Variants in SHLD1 observed in about 807,000 individuals in gnomAD.
SHLD1 encodes RINN1-REV7-interacting novel NHEJ regulator 3.
SHLD1 carries 3 observed loss-of-function variants against 5.5 expected under a neutral mutation model. The observed-to-expected ratio is 0.54, with a 90% CI of 0.25 to 1.40. SHLD1 has a LOEUF of 1.40. SHLD1 is among the 40% of genes most tolerant of loss of function. The pLI, the probability that SHLD1 is intolerant of heterozygous loss-of-function variation, is 0.15. For synonymous variants in SHLD1, 92 were observed against 94.3 expected (o/e 0.98, Z 0.14); for missense variants, 210 against 244.4 (o/e 0.86, Z 0.94).
intron 2 of SHLD1, among the ~76,000 whole-genome samples, chr20:5,817,693 C>T (rs1379537775): frequency 4.3e-5 from 4 of 92,822 alleles, no homozygotes; most frequent in Middle Eastern, 9.8e-3. Context: ...GCTCACAGCT[C>T]CCCTGGCTGT....
chr20:5,804,428 C>A (rs413596), intron 2 of SHLD1, among the ~76,000 whole-genome samples: 42,742 of 149,998 alleles, frequency 0.28, 7,080 homozygotes, highest in African/African-American at 0.45. Flanking sequence ...AAAAAACAAA[C>A]AAGAAAATCT....
chr20:5,857,099 C>T lies in SHLD1; in HGVS notation c.179-5925C>T, dbSNP rs2088097673. Among the ~76,000 whole-genome samples the T allele has an allele frequency of 2.0e-5, 3 of 152,056 alleles. No individual in the cohort carries two copies. In the South Asian group the frequency reaches 6.2e-4, roughly 32 times the overall value. ...CGGGTTCAAGTGATTCTCTTGCCTC[C>T]CGAGTAGCTGGGACTGCAGGTGCCC... is the stretch of plus-strand genomic sequence containing the variant. On this transcript the variant is annotated intron_variant, in intron 2 of 2. Coordinates refer to ENST00000303142, the MANE Select transcript of SHLD1 (RefSeq NM_152504.4).
chr20:5,842,081 A>G (rs2087869841), intron 2 of SHLD1, among the ~76,000 whole-genome samples: 1 of 152,252 alleles, frequency 6.6e-6, no homozygotes, highest in African/African-American at 2.4e-5. Flanking sequence ...TGAAACTTTC[A>G]GAAACAAAAT....
chr20:5,827,627 A>G (rs2087681793), intron 2 of SHLD1, among the ~76,000 whole-genome samples: 1 of 152,058 alleles, frequency 6.6e-6, no homozygotes, highest in Non-Finnish European at 1.5e-5. Flanking sequence ...CAAATACACA[A>G]TGACCTTTGC....
At chr20:5,840,598 C>T (rs1369958100) in intron 2 of SHLD1, among the ~76,000 whole-genome samples, 1 of 152,148 alleles carries the variant, frequency 6.6e-6, no homozygotes, top group Non-Finnish European at 1.5e-5. Flanking sequence ...TTTGGAGCAA[C>T]ATCTGAACCG....
intron 1 of SHLD1, among the ~76,000 whole-genome samples, chr20:5,762,615 A>G (rs1014068092): frequency 6.6e-6 from 1 of 152,084 alleles, no homozygotes; most frequent in East Asian, 1.9e-4. Context: ...TCCCTTGGCT[A>G]TTGTGGGGGA....
intron 2 of SHLD1, among the ~76,000 whole-genome samples, chr20:5,862,499 A>G (rs903640180): frequency 6.6e-6 from 1 of 152,232 alleles, no homozygotes; most frequent in Non-Finnish European, 1.5e-5. Context: ...GCCCTGTTAT[A>G]AGCCCTAATA....
chr20:5,844,108 A>G (rs1262543342), intron 2 of SHLD1, among the ~76,000 whole-genome samples: 3 of 152,144 alleles, frequency 2.0e-5, no homozygotes, highest in African/African-American at 7.2e-5. Flanking sequence ...CTTAAATTCA[A>G]GTGTAAATGG....
At chr20:5,784,595 C>T (rs533456329) in intron 2 of SHLD1, among the ~76,000 whole-genome samples, 2 of 152,010 alleles carry the variant, frequency 1.3e-5, no homozygotes, top group East Asian at 1.9e-4. Flanking sequence ...GGACTACAGG[C>T]GCCCGCCACC....
intron 1 of SHLD1, among the ~76,000 whole-genome samples, chr20:5,757,234 G>A (rs529529798): frequency 6.6e-5 from 10 of 151,740 alleles, no homozygotes; most frequent in African/African-American, 9.7e-5. Flanking sequence ...ACACCACCAC[G>A]CCCAGCTATT....
intron 2 of SHLD1, among the ~76,000 whole-genome samples, chr20:5,817,428 CTCTCTGTGTG>C (rs1255259101): frequency 5.9e-4 from 66 of 111,974 alleles, no homozygotes; most frequent in Non-Finnish European, 9.3e-4. Context: ...CTCTCTCTCT[CTCTCTGTGTG>C]TGTGTGTGTG....
chr20:5,852,705 C>T (rs538238499), intron 2 of SHLD1, among the ~76,000 whole-genome samples: 1 of 152,250 alleles, frequency 6.6e-6, no homozygotes, highest in Non-Finnish European at 1.5e-5. Flanking sequence ...CTGCCTCAGC[C>T]TCCCAAAGTG....
chr20:5,811,613 G>C (rs2087458975), intron 2 of SHLD1, among the ~76,000 whole-genome samples: 1 of 152,098 alleles, frequency 6.6e-6, no homozygotes, highest in Non-Finnish European at 1.5e-5. Flanking sequence ...CCAGTGCTTT[G>C]GGAGACCAAG....
At chr20:5,790,208 G>C (rs763234139) in intron 2 of SHLD1, among the ~76,000 whole-genome samples, 1 of 152,042 alleles carries the variant, frequency 6.6e-6, no homozygotes, top group African/African-American at 2.4e-5. Flanking sequence ...CCAACCCAGG[G>C]ACCTTCTTCC....
At chr20:5,856,167 C>G (rs557944556) in intron 2 of SHLD1, among the ~76,000 whole-genome samples, 28 of 152,326 alleles carry the variant, frequency 1.8e-4, no homozygotes, top group African/African-American at 6.5e-4. Flanking sequence ...CCCATTCTGA[C>G]TGAGAAGGCC....
intron 2 of SHLD1, among the ~76,000 whole-genome samples, chr20:5,859,658 G>A (rs1373478107): frequency 6.6e-6 from 1 of 152,242 alleles, no homozygotes; most frequent in Non-Finnish European, 1.5e-5. Context: ...CTTATGATTA[G>A]AGAGGAGGCT....
intron 2 of SHLD1, among the ~76,000 whole-genome samples, chr20:5,794,599 G>A (rs528646280): frequency 6.6e-6 from 1 of 152,152 alleles, no homozygotes; most frequent in African/African-American, 2.4e-5. Flanking sequence ...TTCATTGTGA[G>A]TGTCATGTAT....
At chr20:5,820,063 T>C (rs2087588728) in intron 2 of SHLD1, among the ~76,000 whole-genome samples, 2 of 152,236 alleles carry the variant, frequency 1.3e-5, no homozygotes, top group Admixed American at 6.5e-5. Flanking sequence ...TTATCCCGCC[T>C]CAGCCTCCCC....
intron 2 of SHLD1, among the ~76,000 whole-genome samples, chr20:5,844,957 G>A (rs1443193201): frequency 5.3e-5 from 8 of 151,304 alleles, no homozygotes; most frequent in African/African-American, 1.5e-4. Flanking sequence ...ACCATGCCTG[G>A]CTAATATTTT....
Sources: allele counts gnomAD v4.1 joint callset (sites outside exome capture counted in the v4.1 genomes callset), GRCh38; gene constraint gnomAD v4.1.1; transcripts MANE v1.5; gene names NCBI Gene and HGNC (gene_info 2026-07-23, HGNC 2026-07-21).